Variants in PTPRG observed in about 807,000 individuals in gnomAD.
PTPRG encodes the protein protein tyrosine phosphatase receptor type G, also known as receptor-type tyrosine-protein phosphatase gamma.
Under a neutral mutation model 165.3 loss-of-function variants are expected in PTPRG, and 102 were observed. The ratio of observed to expected loss-of-function variants is 0.62; its 90% confidence interval spans 0.53 to 0.73. PTPRG has a LOEUF of 0.73. Among genes scored for constraint, PTPRG ranks in the 30% least tolerant of loss-of-function variants. PTPRG has a pLI of 0.00. For missense variants in PTPRG, 1,866 were observed against 1,861.4 expected, an observed-to-expected ratio of 1.00 and a Z score of -0.05; for synonymous variants, 675 against 669.5, an observed-to-expected ratio of 1.01 and a Z score of -0.13.
At chr3:62,291,864 G>A (rs1427110951) in intron 28 of PTPRG, among the ~76,000 whole-genome samples, 1 of 152,084 alleles carries the variant, frequency 6.6e-6, no homozygotes, top group African/African-American at 2.4e-5. Flanking sequence ...TCTTTCCAAG[G>A]ATTTCATAGA....
chr3:61,781,898 T>TG (rs1014495218), intron 2 of PTPRG, among the ~76,000 whole-genome samples: 1 of 150,034 alleles, frequency 6.7e-6, no homozygotes, highest in African/African-American at 2.5e-5. Context: ...CAGTTTTTTT[T>TG]TTTTTTTTTT....
intron 3 of PTPRG, 30 bp downstream of exon 3, chr3:61,989,834 G>C: frequency 1.9e-6 from 3 of 1,609,026 alleles, no homozygotes; most frequent in Non-Finnish European, 2.5e-6. Flanking sequence ...TTTGTCCACA[G>C]AGCAACAGGA....
chr3:61,567,381 A>G (rs2106762169), intron 1 of PTPRG, among the ~76,000 whole-genome samples: 1 of 152,258 alleles, frequency 6.6e-6, no homozygotes, highest in Admixed American at 6.5e-5. Context: ...GCCTGTGCAA[A>G]TGATTAAAAG....
intron 1 of PTPRG, among the ~76,000 whole-genome samples, chr3:61,711,783 C>A (rs1559568866): frequency 6.6e-6 from 1 of 152,192 alleles, no homozygotes; most frequent in Non-Finnish European, 1.5e-5. Context: ...TCACCTTCCC[C>A]CATGGCTACC....
chr3:62,268,268 A>C (rs1158738624), intron 19 of PTPRG, among the ~76,000 whole-genome samples: 1 of 152,080 alleles, frequency 6.6e-6, no homozygotes, highest in Admixed American at 6.6e-5. Flanking sequence ...AAAATTGCCT[A>C]AACAGTTTAA....
chr3:62,094,169 C>T (rs936803973), intron 5 of PTPRG, among the ~76,000 whole-genome samples: 8 of 151,984 alleles, frequency 5.3e-5, no homozygotes, highest in Admixed American at 1.3e-4. Context: ...GATTTGAAGC[C>T]ATGTCTTTCT....
intron 8 of PTPRG, among the ~76,000 whole-genome samples, chr3:62,184,238 G>A (rs965088319): frequency 7.9e-5 from 12 of 152,200 alleles, no homozygotes; most frequent in African/African-American, 2.7e-4. Context: ...AGCTAGAAAT[G>A]ATTCAGATGG....
intron 4 of PTPRG, among the ~76,000 whole-genome samples, chr3:62,014,514 CAGAT>C (rs2041495441): frequency 6.6e-6 from 1 of 152,212 alleles, no homozygotes; most frequent in Admixed American, 6.5e-5. Context: ...TATTACCACA[CAGAT>C]AGAGCTTCAA....
chr3:62,027,455 C>T (rs1198265454), intron 4 of PTPRG, among the ~76,000 whole-genome samples: 1 of 152,150 alleles, frequency 6.6e-6, no homozygotes, highest in African/African-American at 2.4e-5. Flanking sequence ...GCTGTGTCAG[C>T]ATAAATCAGC....
intron 2 of PTPRG, among the ~76,000 whole-genome samples, chr3:61,897,738 AT>A (rs530358604): frequency 1.1e-4 from 17 of 152,202 alleles, no homozygotes; most frequent in African/African-American, 4.1e-4. Context: ...TAGGTTTTTG[AT>A]TTGTTTTCAA....
chr3:61,569,749 A>G (rs1021814004), intron 1 of PTPRG, among the ~76,000 whole-genome samples: 4 of 152,216 alleles, frequency 2.6e-5, no homozygotes, highest in Non-Finnish European at 5.9e-5. Flanking sequence ...GGGTTTTTGT[A>G]TCTGTCTTTG....
At chr3:61,742,423 T>TTTTAACTG in intron 1 of PTPRG, 1 of 1,283,578 alleles carries the variant, frequency 7.8e-7, no homozygotes, top group South Asian at 1.7e-5. Context: ...TTTTTTTTTT[T>TTTTAACTG]GAACTGGTAA....
At chr3:61,737,844 T>C (rs1320250812) in intron 1 of PTPRG, among the ~76,000 whole-genome samples, 3 of 151,994 alleles carry the variant, frequency 2.0e-5, no homozygotes, top group Non-Finnish European at 4.4e-5. Context: ...TTCTAAGTTC[T>C]GGAATTATTA....
At chr3:61,952,136 AAAAAAG>A (rs2039915190) in intron 2 of PTPRG, among the ~76,000 whole-genome samples, 1 of 151,626 alleles carries the variant, frequency 6.6e-6, no homozygotes, top group Non-Finnish European at 1.5e-5. Flanking sequence ...AAAAAAAAAA[AAAAAAG>A]ACAGTATCAG....
chr3:61,936,468 A>G (rs1171714093), intron 2 of PTPRG, among the ~76,000 whole-genome samples: 1 of 152,166 alleles, frequency 6.6e-6, no homozygotes, highest in African/African-American at 2.4e-5. Context: ...CATGGGCATC[A>G]TCATAGTTTA....
At chr3:61,798,722 A>G (rs1046603928) in intron 2 of PTPRG, among the ~76,000 whole-genome samples, 1 of 150,192 alleles carries the variant, frequency 6.7e-6, no homozygotes. Flanking sequence ...CATCTGTAGC[A>G]TCTTCCAATA....
intron 1 of PTPRG, among the ~76,000 whole-genome samples, chr3:61,656,732 G>A (rs1175168647): frequency 6.6e-6 from 1 of 152,210 alleles, no homozygotes; most frequent in Non-Finnish European, 1.5e-5. Flanking sequence ...CTTGTAGATT[G>A]AAGATATTTT....
At chr3:61,955,400 T>G (rs1251491318) in intron 2 of PTPRG, among the ~76,000 whole-genome samples, 3 of 152,350 alleles carry the variant, frequency 2.0e-5, no homozygotes, top group Admixed American at 6.5e-5. Flanking sequence ...GTTTAAATAG[T>G]TTTTAATTTT....
intron 2 of PTPRG, among the ~76,000 whole-genome samples, chr3:61,918,819 A>G (rs917454855): frequency 9.9e-5 from 15 of 152,172 alleles, no homozygotes; most frequent in African/African-American, 3.6e-4. Context: ...TTTGTCTGAC[A>G]CAGGTTTTAT....
Sources: allele counts gnomAD v4.1 joint callset (sites outside exome capture counted in the v4.1 genomes callset), GRCh38; gene constraint gnomAD v4.1.1; transcripts MANE v1.5; gene names NCBI Gene and HGNC (gene_info 2026-07-23, HGNC 2026-07-21).